The following PHF20 variants were observed in gnomAD, a reference collection of about 807,000 sequenced individuals.
The protein encoded by PHF20 is PHD finger protein 20, also known as glioma-expressed antigen 2.
Under a neutral mutation model 113.5 loss-of-function variants are expected in PHF20, and 23 were observed. The ratio of observed to expected loss-of-function variants is 0.20; its 90% confidence interval spans 0.15 to 0.29. The LOEUF (loss-of-function observed/expected upper bound fraction) is 0.29. Ranked by LOEUF, PHF20 falls within the 10% of genes least tolerant of loss-of-function variation. The probability of loss-of-function intolerance (pLI) is 1.00; values close to 1 mark genes in which losing one functional copy is unlikely to be tolerated. For missense variants in PHF20, 943 were observed against 1,219.6 expected (o/e 0.77, Z 3.38); for synonymous variants, 434 against 457.3 (o/e 0.95, Z 0.65).
chr20:35,790,681 C>A (rs1039792556), intron 1 of PHF20, among the ~76,000 whole-genome samples: 1 of 152,080 alleles, frequency 6.6e-6, no homozygotes, highest in Non-Finnish European at 1.5e-5. Flanking sequence ...AGTTCTGGCT[C>A]ATAACCGCTG....
intron 1 of PHF20, among the ~76,000 whole-genome samples, chr20:35,785,946 C>T (rs545346001): frequency 1.5e-4 from 22 of 150,524 alleles, no homozygotes; most frequent in Admixed American, 9.3e-4. Flanking sequence ...GCAGGAGAAT[C>T]GCTTGAACCC....
intron 3 of PHF20, chr20:35,845,475 C>T (rs2042607339): frequency 3.4e-6 from 1 of 298,182 alleles, no homozygotes; most frequent in East Asian, 1.0e-4. Context: ...AAGCAATCCT[C>T]CTTCCTCAGC....
At chr20:35,805,358 TTA>T (rs2041862028) in intron 2 of PHF20, among the ~76,000 whole-genome samples, 3 of 103,646 alleles carry the variant, frequency 2.9e-5, no homozygotes, top group African/African-American at 9.3e-5. Context: ...TGATTTTTTA[TTA>T]TTATTATTAT....
chr20:35,917,691 A>G (rs929891925), intron 13 of PHF20, 29 bp downstream of exon 13: 1 of 1,591,806 alleles, frequency 6.3e-7, no homozygotes, highest in Non-Finnish European at 8.6e-7. Context: ...AAACAGGTCT[A>G]GAGAAGCACA....
intron 4 of PHF20, chr20:35,853,502 T>G (rs1479251172): frequency 1.3e-5 from 2 of 152,166 alleles, no homozygotes; most frequent in Non-Finnish European, 2.9e-5. Context: ...CCAGTGCTTT[T>G]GGAAGTTGAG....
chr20:35,871,870 CT>C (rs2146991456), intron 9 of PHF20, 41 bp downstream of exon 9: 1 of 1,418,856 alleles, frequency 7.0e-7, no homozygotes, highest in East Asian at 2.4e-5. Context: ...TTTATATACA[CT>C]TTTGCTTATG....
chr20:35,878,429 C>T lies in PHF20; in HGVS notation c.1282+6600C>T. The T allele has an allele frequency of 5.9e-6, 3 of 510,962 alleles. No individual in the cohort carries two copies. The East Asian group carries it at 9.7e-5, about 17-fold the overall frequency. The allele number at this position is 510,962 out of a possible 1,614,324, so 31.7% of individuals were successfully genotyped here. On this transcript the variant is annotated intron_variant, in intron 9 of 17. Coordinates refer to ENST00000374012, the MANE Select transcript of PHF20 (RefSeq NM_016436.5). ...TTGGCGTGTGCGAGATTTTCTTGCT[C>T]TAGGGAGATTGTTTAAGCAATCACT...
At chr20:35,885,936 T>C (rs1004745163) in intron 9 of PHF20, among the ~76,000 whole-genome samples, 1 of 152,156 alleles carries the variant, frequency 6.6e-6, no homozygotes. Flanking sequence ...AATGGTGATA[T>C]CTAACTTTCA....
chr20:35,799,291 CAAAAAAAAAAAAAA>C (rs35210007), intron 1 of PHF20, among the ~76,000 whole-genome samples: 1 of 21,006 alleles, frequency 4.8e-5, no homozygotes. Flanking sequence ...ACTCTCTCTG[CAAAAAAAAAAAAAA>C]AAAAAAAAAA....
intron 6 of PHF20, among the ~76,000 whole-genome samples, chr20:35,865,821 T>A (rs1016907315): frequency 1.3e-5 from 2 of 152,096 alleles, no homozygotes; most frequent in Admixed American, 6.5e-5. Flanking sequence ...AACCCTCTTA[T>A]GTGATGAGTA....
chr20:35,807,887 T>A (rs2041912309), intron 2 of PHF20, among the ~76,000 whole-genome samples: 1 of 151,962 alleles, frequency 6.6e-6, no homozygotes, highest in East Asian at 1.9e-4. Flanking sequence ...TTTTAAGAGT[T>A]CTTATTTCTT....
At chr20:35,779,732 G>A (rs2041248542) in intron 1 of PHF20, among the ~76,000 whole-genome samples, 1 of 151,992 alleles carries the variant, frequency 6.6e-6, no homozygotes, top group Non-Finnish European at 1.5e-5. Flanking sequence ...TGTTCGCCAG[G>A]CTAGTCTTGA....
At chr20:35,878,643 A>T in intron 9 of PHF20, 1 of 787,188 alleles carries the variant, frequency 1.3e-6, no homozygotes, top group East Asian at 2.4e-5. Context: ...CATCTGATCC[A>T]CATGGGTGTG....
chr20:35,842,794 G>A, intron 3 of PHF20, 50 bp downstream of exon 3: 1 of 1,530,076 alleles, frequency 6.5e-7, no homozygotes, highest in Non-Finnish European at 9.0e-7. Flanking sequence ...CAGCCATTGG[G>A]CTGTTTGTGT....
intron 2 of PHF20, among the ~76,000 whole-genome samples, chr20:35,832,156 C>G (rs1568625163): frequency 6.6e-6 from 1 of 152,158 alleles, no homozygotes; most frequent in African/African-American, 2.4e-5. Flanking sequence ...GCTTCACTGC[C>G]TCTTTGATCA....
intron 9 of PHF20, 148 bp downstream of exon 9, chr20:35,871,977 T>G: frequency 3.9e-6 from 2 of 513,440 alleles, no homozygotes; most frequent in Non-Finnish European, 3.3e-6. Context: ...CTCCTTTCAT[T>G]TCTGATTTTG....
At chr20:35,800,425 AAAAC>A (rs1488781221) in intron 1 of PHF20, among the ~76,000 whole-genome samples, 1 of 137,492 alleles carries the variant, frequency 7.3e-6, no homozygotes, top group African/African-American at 2.7e-5. Flanking sequence ...GACTCCTCAA[AAAAC>A]AAACCAACAA....
At chr20:35,879,047 A>G (rs1301239368) in intron 9 of PHF20, among the ~76,000 whole-genome samples, 3 of 152,218 alleles carry the variant, frequency 2.0e-5, no homozygotes, top group Admixed American at 2.0e-4. Context: ...AAGGAAGATA[A>G]CAGGCCAACC....
chr20:35,780,559 T>G (rs2041272257), intron 1 of PHF20, among the ~76,000 whole-genome samples: 1 of 148,754 alleles, frequency 6.7e-6, no homozygotes. Context: ...TTCTTTTTTT[T>G]TTTTTGAGAC....
Sources: gnomAD v4.1 joint callset for allele counts (sites outside exome capture counted in the v4.1 genomes callset) on GRCh38, gnomAD v4.1.1 for gene constraint, MANE v1.5 for transcripts, NCBI Gene and HGNC (gene_info 2026-07-23, HGNC 2026-07-21) for gene names.